Variants in MPPED1 observed in about 807,000 individuals in gnomAD.
MPPED1 encodes the protein metallophosphoesterase domain containing 1.
A neutral mutation model predicts 36.2 loss-of-function variants in MPPED1; 16 were observed. That is an observed-to-expected ratio of 0.44 (90% CI 0.30 to 0.67). The LOEUF (loss-of-function observed/expected upper bound fraction) is 0.67. Ranked by LOEUF, MPPED1 falls within the 30% of genes least tolerant of loss-of-function variation. MPPED1 has a pLI of 0.10. For synonymous variants in MPPED1, 199 were observed against 191.3 expected (o/e 1.04, Z -0.33); for missense variants, 307 against 453.4 (o/e 0.68, Z 2.93).
intron 1 of MPPED1, among the ~76,000 whole-genome samples, chr22:43,412,544 G>T (rs1465427943): frequency 5.3e-5 from 8 of 152,190 alleles, no homozygotes; most frequent in Non-Finnish European, 1.0e-4. Flanking sequence ...TACTGTGTGC[G>T]CTGCCAAGCC....
intron 1 of MPPED1, chr22:43,418,215 T>C (rs538702425): frequency 4.4e-6 from 2 of 454,834 alleles, no homozygotes; most frequent in African/African-American, 2.0e-5. Flanking sequence ...CCGGAGAGGA[T>C]GCTGGTAATA....
At chr22:43,491,222 A>G (rs1025982246) in intron 4 of MPPED1, among the ~76,000 whole-genome samples, 2 of 152,222 alleles carry the variant, frequency 1.3e-5, no homozygotes, top group African/African-American at 4.8e-5. Context: ...GGAGGGCTCC[A>G]TGATAATTAT....
chr22:43,430,332 A>C (rs1212119422), intron 2 of MPPED1, among the ~76,000 whole-genome samples: 1 of 152,206 alleles, frequency 6.6e-6, no homozygotes, highest in African/African-American at 2.4e-5. Flanking sequence ...TCCAGAGTGC[A>C]CTGCAGGGGT....
At chr22:43,498,371 C>A in intron 5 of MPPED1, 21 bp downstream of exon 5, 1 of 1,522,274 alleles carries the variant, frequency 6.6e-7, no homozygotes, top group Non-Finnish European at 8.8e-7. Flanking sequence ...GCTGGCCTGG[C>A]CCTCCAGCTC....
chr22:43,443,477 G>A (rs1930224303), intron 3 of MPPED1, among the ~76,000 whole-genome samples: 1 of 152,184 alleles, frequency 6.6e-6, no homozygotes, highest in East Asian at 1.9e-4. Context: ...GGAGAGTGCA[G>A]TAGAGGCTTG....
intron 3 of MPPED1, among the ~76,000 whole-genome samples, chr22:43,466,353 C>T (rs1289264439): frequency 2.6e-5 from 4 of 152,222 alleles, no homozygotes; most frequent in African/African-American, 7.2e-5. Context: ...TCTGGGAAGC[C>T]AGACCTGGGT....
intron 1 of MPPED1, among the ~76,000 whole-genome samples, chr22:43,420,835 C>T (rs759854107): frequency 1.3e-5 from 2 of 152,252 alleles, no homozygotes; most frequent in African/African-American, 2.4e-5. Context: ...CCCTCCACCC[C>T]GTCCCATGTT....
intron 5 of MPPED1, among the ~76,000 whole-genome samples, chr22:43,501,435 C>T (rs893333810): frequency 6.6e-6 from 1 of 151,960 alleles, no homozygotes; most frequent in Admixed American, 6.6e-5. Context: ...AACATGGTGT[C>T]GTTTGGCTTC....
chr22:43,424,925 C>CG lies in MPPED1; in HGVS notation c.-55dup. 6.5e-7 allele frequency: 1 copy of CG among 1,538,164 alleles called. No individual in the cohort carries two copies. The highest frequency in any genetic ancestry group is 2.0e-5 in the Admixed American group (1 of 50,864). On this transcript the variant is annotated 5_prime_UTR_variant, in exon 2 of 7. Transcript: ENST00000443721. ...CTCCTCAGTCTGTTTCCAGGTCTGG[C>CG]GGGGGGCCGGGCTGCGGTGGCGGCA...
chr22:43,453,330 C>A (rs943920046), intron 3 of MPPED1, among the ~76,000 whole-genome samples: 14 of 134,506 alleles, frequency 1.0e-4, no homozygotes, highest in African/African-American at 3.4e-4. Flanking sequence ...CACCACCCCC[C>A]CTGCCCCTTT....
rs967205743 is a variant in MPPED1, at chr22:43,418,485, A to T, written c.-79+6327A>T. 6 of 252,828 alleles carry T rather than the reference A, an allele frequency of 2.4e-5. No homozygotes were observed. In the East Asian group the frequency reaches 6.8e-4, roughly 29 times the overall value. The allele number at this position is 252,828 out of a possible 1,614,324, so 15.7% of individuals were successfully genotyped here. On this transcript the variant is annotated intron_variant, in intron 1 of 6. Coordinates refer to ENST00000443721, the MANE Select transcript of MPPED1 (RefSeq NM_001044370.2). Reference sequence around the variant, plus strand: ...GCTGCTGAGATGCTCTGTGTGAGCCAAGGCCTCTCTCTCTCTCCTTCCTGG... The same window carrying T: ...GCTGCTGAGATGCTCTGTGTGAGCCTAGGCCTCTCTCTCTCTCCTTCCTGG...
intron 3 of MPPED1, among the ~76,000 whole-genome samples, chr22:43,444,051 A>G (rs1471738543): frequency 1.3e-5 from 2 of 152,194 alleles, no homozygotes; most frequent in Admixed American, 1.3e-4. Context: ...TATATTCTTC[A>G]TCAAAAAAAT....
chr22:43,441,889 G>A (rs941654374), intron 3 of MPPED1, among the ~76,000 whole-genome samples: 2 of 152,192 alleles, frequency 1.3e-5, no homozygotes, highest in Non-Finnish European at 2.9e-5. Context: ...ACACACAATC[G>A]TTTTGCCTCT....
At chr22:43,432,805 A>G (rs1433004920) in intron 2 of MPPED1, among the ~76,000 whole-genome samples, 19 of 50,728 alleles carry the variant, frequency 3.7e-4, no homozygotes, top group African/African-American at 7.8e-4. Flanking sequence ...GAGAGAGAGA[A>G]AGGGAGGAGA....
At chr22:43,498,656 G>A (rs1373207191) in intron 5 of MPPED1, among the ~76,000 whole-genome samples, 1 of 152,092 alleles carries the variant, frequency 6.6e-6, no homozygotes, top group Non-Finnish European at 1.5e-5. Context: ...AGTCCCGGGT[G>A]CTGAAAATCA....
At chr22:43,456,524 T>G (rs1162136246) in intron 3 of MPPED1, among the ~76,000 whole-genome samples, 1 of 152,208 alleles carries the variant, frequency 6.6e-6, no homozygotes, top group Non-Finnish European at 1.5e-5. Context: ...AGACAGTGTC[T>G]TGCTCTGTCA....
intron 3 of MPPED1, among the ~76,000 whole-genome samples, chr22:43,469,208 C>T (rs748915845): frequency 1.3e-5 from 2 of 152,160 alleles, no homozygotes; most frequent in African/African-American, 2.4e-5. Flanking sequence ...GTGTGTCAGC[C>T]GTCTTACCTG....
chr22:43,435,157 TG>T lies in MPPED1; in HGVS notation c.352del (p.Asp118ThrfsTer11). ...MPYGDVLIHA[G>X]DFTELGLPSE... ...CGTACGGCGACGTGCTGATCCACGC[TG>T]GGGACTTCACTGAGCTGGGGCTCCC... On this transcript the variant is annotated frameshift_variant, in exon 3 of 7. Transcript: ENST00000443721. LOFTEE classifies it high-confidence loss of function. 1 of 1,613,390 alleles carries T rather than the reference TG, an allele frequency of 6.2e-7. No individual in the cohort carries two copies.
chr22:43,497,407 C>G (rs1480711893), intron 4 of MPPED1, among the ~76,000 whole-genome samples: 1 of 151,980 alleles, frequency 6.6e-6, no homozygotes, highest in South Asian at 2.1e-4. Flanking sequence ...CCAGTTTGAT[C>G]CAGCTGTTTC....
Sources: allele counts gnomAD v4.1 joint callset (sites outside exome capture counted in the v4.1 genomes callset), GRCh38; gene constraint gnomAD v4.1.1; transcripts MANE v1.5; gene names NCBI Gene and HGNC (gene_info 2026-07-23, HGNC 2026-07-21).